Variants in CALD1 observed in about 807,000 individuals in gnomAD.
The protein encoded by CALD1 is caldesmon 1.
Under a neutral mutation model 99.9 loss-of-function variants are expected in CALD1, and 33 were observed. The observed-to-expected ratio is 0.33, with a 90% CI of 0.25 to 0.44. The LOEUF is 0.44. Ranked by LOEUF, CALD1 falls within the 20% of genes least tolerant of loss-of-function variation. CALD1 has a pLI of 1.00. For missense variants in CALD1, 861 were observed against 962.1 expected (o/e 0.89, Z 1.39); for synonymous variants, 310 against 325.0 (o/e 0.95, Z 0.50).
intron 1 of CALD1, among the ~76,000 whole-genome samples, chr7:134,820,231 A>G (rs1798720233): frequency 6.6e-6 from 1 of 152,228 alleles, no homozygotes; most frequent in Non-Finnish European, 1.5e-5. Context: ...TTAAACTGAC[A>G]GATCTATGAT....
chr7:134,826,425 T>G (rs1416581615), intron 1 of CALD1, among the ~76,000 whole-genome samples: 1 of 152,078 alleles, frequency 6.6e-6, no homozygotes, highest in Non-Finnish European at 1.5e-5. Flanking sequence ...AAGCATCTCC[T>G]AAGTACTCCA....
intron 1 of CALD1, among the ~76,000 whole-genome samples, chr7:134,802,045 C>T (rs1797964089): frequency 6.6e-6 from 1 of 151,884 alleles, no homozygotes; most frequent in South Asian, 2.1e-4. Context: ...AGTAAAAAAG[C>T]AAAATTTCCA....
rs59389296 is a variant in CALD1 at position 134,758,501 on chromosome 7, G to GGTGTGTGTGTGTGTGTGTGT, written c.-130+14157_-130+14176dup. On this transcript the variant is annotated intron_variant, in intron 1 of 13. Coordinates refer to the CALD1 transcript ENST00000417172. ...TTTAAATATCTGCAGCTCCCATTGG[G>GGTGTGTGTGTGTGTGTGTGT]GTGTGTGTGTGTGTGTGTGTGTGTG... 3.4e-5 allele frequency among the ~76,000 whole-genome samples: 5 copies of GGTGTGTGTGTGTGTGTGTGT among 145,218 alleles called. No homozygotes were observed. In the East Asian group the frequency reaches 6.3e-4, roughly 18 times the overall value.
chr7:134,921,260 T>G (rs1323123583), intron 3 of CALD1, among the ~76,000 whole-genome samples: 1 of 152,252 alleles, frequency 6.6e-6, no homozygotes, highest in Non-Finnish European at 1.5e-5. Flanking sequence ...GATTCCTTTT[T>G]ATGCACTATT....
At chr7:134,952,473 CTT>C (rs747660510) in intron 9 of CALD1, among the ~76,000 whole-genome samples, 15 of 140,840 alleles carry the variant, frequency 1.1e-4, no homozygotes, top group Admixed American at 2.1e-4. Flanking sequence ...TTCCCTTAGT[CTT>C]TTTTTTTTTT....
chr7:134,935,658 T>A (rs1286746426), intron 5 of CALD1, 30 bp from the exon 6 acceptor site: 6 of 1,591,696 alleles, frequency 3.8e-6, no homozygotes, highest in Non-Finnish European at 5.1e-6. Flanking sequence ...CTTTTACTTG[T>A]GTGACCTTAC....
chr7:134,733,978 A>G, the CALD1 span, among the ~76,000 whole-genome samples: 1 of 151,378 alleles, frequency 6.6e-6, no homozygotes, highest in Non-Finnish European at 1.5e-5. Flanking sequence ...AATATAAAAT[A>G]TACATAGCAT....
chr7:134,774,406 C>T (rs943250591), intron 1 of CALD1, among the ~76,000 whole-genome samples: 1 of 152,122 alleles, frequency 6.6e-6, no homozygotes, highest in Non-Finnish European at 1.5e-5. Flanking sequence ...CAGTGTTCAA[C>T]GAGTTGGCTT....
intron 1 of CALD1, among the ~76,000 whole-genome samples, chr7:134,788,612 G>C (rs1219250513): frequency 6.6e-6 from 1 of 152,200 alleles, no homozygotes; most frequent in African/African-American, 2.4e-5. Flanking sequence ...TAGAACATAA[G>C]CTCTATGAAA....
upstream of CALD1, among the ~76,000 whole-genome samples, chr7:134,743,925 A>T (rs1162058224): frequency 2.0e-5 from 3 of 152,260 alleles, no homozygotes; most frequent in African/African-American, 7.2e-5. Flanking sequence ...ATCCTCAAGC[A>T]GTTGGTTAAT....
At chr7:134,931,263 A>G (rs1426115632) in intron 4 of CALD1, among the ~76,000 whole-genome samples, 4 of 152,202 alleles carry the variant, frequency 2.6e-5, no homozygotes, top group African/African-American at 7.2e-5. Context: ...GAAATGTTCA[A>G]TACAGTTTGT....
At position 134,968,449 on chromosome 7, in the gene CALD1, A is replaced by G; in HGVS notation, c.*104A>G. 4.1e-6 allele frequency: 4 copies of G among 964,038 alleles called. No homozygotes were observed. The highest frequency in any genetic ancestry group is 6.7e-6 in the Non-Finnish European group (4 of 597,660). 59.7% of individuals were successfully genotyped at this position (964,038 alleles called of 1,614,324 possible). On this transcript the variant is annotated 3_prime_UTR_variant, in exon 15 of 15. Transcript: ENST00000361675. ...TATGTTGATTTACTAAATTGGGTTCATTATCTTTTATTTTTCAATATCCCA... is the reference window on the plus strand; with the variant it reads ...TATGTTGATTTACTAAATTGGGTTCGTTATCTTTTATTTTTCAATATCCCA...
chr7:134,944,855 C>T (rs1487255985), intron 7 of CALD1, among the ~76,000 whole-genome samples: 1 of 152,182 alleles, frequency 6.6e-6, no homozygotes, highest in Non-Finnish European at 1.5e-5. Flanking sequence ...AAGTCCCAGG[C>T]AAATCCAACT....
the CALD1 span, among the ~76,000 whole-genome samples, chr7:134,735,690 C>T: frequency 6.6e-6 from 1 of 151,650 alleles, no homozygotes; most frequent in African/African-American, 2.4e-5. Flanking sequence ...AGTATTGCTC[C>T]TGGGACTTGG....
At chr7:134,837,365 T>C (rs1375338942) in intron 1 of CALD1, among the ~76,000 whole-genome samples, 1 of 151,380 alleles carries the variant, frequency 6.6e-6, no homozygotes, top group Admixed American at 6.6e-5. Flanking sequence ...TTTCCTGAGA[T>C]GGAATCTTGC....
the CALD1 span, among the ~76,000 whole-genome samples, chr7:134,734,461 C>T: frequency 1.3e-5 from 2 of 152,158 alleles, no homozygotes; most frequent in African/African-American, 2.4e-5. Context: ...TGGCTATCTG[C>T]GAAAAGAGTG....
intron 1 of CALD1, among the ~76,000 whole-genome samples, chr7:134,831,124 TATC>T: frequency 6.6e-6 from 1 of 152,188 alleles, no homozygotes; most frequent in Non-Finnish European, 1.5e-5. Context: ...ACTGTAAAGT[TATC>T]ATGTTTTAAA....
chr7:134,767,008 C>A (rs897958777), intron 1 of CALD1, among the ~76,000 whole-genome samples: 1 of 152,190 alleles, frequency 6.6e-6, no homozygotes, highest in African/African-American at 2.4e-5. Flanking sequence ...AAGGTATTTT[C>A]ACCCCAACCC....
chr7:134,803,696 ATTT>A (rs3062411), intron 1 of CALD1, among the ~76,000 whole-genome samples: 156 of 123,022 alleles, frequency 1.3e-3, no homozygotes, highest in Middle Eastern at 4.2e-3. Context: ...TGTGGGTCTA[ATTT>A]TTTTTTTTTT....
Sources: gnomAD v4.1 joint callset for allele counts (sites outside exome capture counted in the v4.1 genomes callset) on GRCh38, gnomAD v4.1.1 for gene constraint, MANE v1.5 for transcripts, NCBI Gene and HGNC (gene_info 2026-07-23, HGNC 2026-07-21) for gene names.